AFF3: variants seen among roughly 807,000 people sequenced by gnomAD.
AFF3 encodes ALF transcription elongation factor 3.
A neutral mutation model predicts 129.7 loss-of-function variants in AFF3; 32 were observed. That is an observed-to-expected ratio of 0.25 (90% CI 0.19 to 0.33). The LOEUF (loss-of-function observed/expected upper bound fraction) is 0.33, where lower values mean the gene tolerates loss of function less well. Ranked by LOEUF, AFF3 falls within the 10% of genes least tolerant of loss-of-function variation. AFF3 has a pLI of 1.00. For missense variants in AFF3, 1,373 were observed against 1,592.0 expected (o/e 0.86, Z 2.34); for synonymous variants, 644 against 635.4 (o/e 1.01, Z -0.20).
chr2:99,555,276 C>A (rs993652402), intron 22 of AFF3, among the ~76,000 whole-genome samples: 16 of 152,288 alleles, frequency 1.1e-4, no homozygotes, highest in African/African-American at 3.4e-4. Context: ...CTCATATCTC[C>A]CCTTATATAC....
intron 8 of AFF3, among the ~76,000 whole-genome samples, chr2:99,759,919 G>A (rs889263546): frequency 5.3e-5 from 8 of 152,256 alleles, no homozygotes; most frequent in Non-Finnish European, 8.8e-5. Flanking sequence ...GTAAACTACC[G>A]TGATTTCAAG....
intron 11 of AFF3, among the ~76,000 whole-genome samples, chr2:99,696,939 C>T (rs1676340615): frequency 6.6e-6 from 1 of 152,194 alleles, no homozygotes; most frequent in Non-Finnish European, 1.5e-5. Flanking sequence ...AACCAGCATG[C>T]CTGGCCTGAT....
intron 8 of AFF3, among the ~76,000 whole-genome samples, chr2:99,789,438 CCT>C (rs959980501): frequency 7.9e-6 from 1 of 126,738 alleles, no homozygotes; most frequent in Non-Finnish European, 1.6e-5. Context: ...AGAGTGAGGC[CCT>C]GTCACCAAAA....
At chr2:99,748,425 C>T (rs1681349501) in intron 9 of AFF3, among the ~76,000 whole-genome samples, 2 of 152,168 alleles carry the variant, frequency 1.3e-5, no homozygotes, top group Admixed American at 1.3e-4. Flanking sequence ...TTAAGGGTTA[C>T]AGAAGTGAGT....
intron 4 of AFF3, among the ~76,000 whole-genome samples, chr2:100,009,583 G>A (rs1039248662): frequency 5.3e-5 from 8 of 152,104 alleles, no homozygotes; most frequent in South Asian, 2.1e-4. Context: ...GGGAGAGAAC[G>A]GAAATTGAAT....
intron 8 of AFF3, among the ~76,000 whole-genome samples, chr2:99,785,733 T>C (rs1282042301): frequency 6.6e-6 from 1 of 152,174 alleles, no homozygotes; most frequent in Non-Finnish European, 1.5e-5. Flanking sequence ...TGAATCAGCA[T>C]GAACCTTTAA....
chr2:99,754,868 G>A (rs1681959887), intron 8 of AFF3, among the ~76,000 whole-genome samples: 2 of 152,222 alleles, frequency 1.3e-5, no homozygotes, highest in South Asian at 4.1e-4. Flanking sequence ...CACTGTAACT[G>A]TGTCTTATGT....
intron 12 of AFF3, among the ~76,000 whole-genome samples, chr2:99,667,321 C>T (rs1007669819): frequency 4.6e-5 from 7 of 152,104 alleles, no homozygotes; most frequent in East Asian, 1.9e-4. Context: ...AACTGAATGA[C>T]GATGAAATAC....
intron 7 of AFF3, among the ~76,000 whole-genome samples, chr2:99,841,705 T>C (rs971836551): frequency 4.6e-5 from 7 of 152,258 alleles, no homozygotes; most frequent in Middle Eastern, 3.4e-3. Flanking sequence ...AGTCAATGAC[T>C]TTAACAGATG....
At chr2:99,621,042 A>G (rs1004056307) in intron 13 of AFF3, among the ~76,000 whole-genome samples, 2 of 152,218 alleles carry the variant, frequency 1.3e-5, no homozygotes, top group Non-Finnish European at 2.9e-5. Flanking sequence ...ATTCCTTTAC[A>G]GCAATGCAAA....
intron 7 of AFF3, among the ~76,000 whole-genome samples, chr2:99,992,865 A>G (rs533110295): frequency 1.3e-5 from 2 of 152,342 alleles, no homozygotes; most frequent in African/African-American, 4.8e-5. Context: ...GTCTGGACAC[A>G]TGGTGACCCA....
chr2:99,648,245 T>G (rs1434444861), intron 13 of AFF3, among the ~76,000 whole-genome samples: 1 of 152,134 alleles, frequency 6.6e-6, no homozygotes, highest in African/African-American at 2.4e-5. Context: ...CATAATCTAT[T>G]TTTACAACAT....
At chr2:99,631,492 A>G (rs115050696) in intron 13 of AFF3, among the ~76,000 whole-genome samples, 301 of 152,278 alleles carry the variant, frequency 2.0e-3, no homozygotes, top group Non-Finnish European at 2.5e-3. Context: ...AATACCCCTT[A>G]AATGGCAACT....
At chr2:99,769,410 C>T (rs1433217818) in intron 8 of AFF3, among the ~76,000 whole-genome samples, 1 of 152,108 alleles carries the variant, frequency 6.6e-6, no homozygotes, top group African/African-American at 2.4e-5. Flanking sequence ...TTCTGTGTTA[C>T]CTTGAATTTC....
chr2:99,688,873 A>G (rs1352983685), intron 11 of AFF3, among the ~76,000 whole-genome samples: 2 of 152,082 alleles, frequency 1.3e-5, no homozygotes, highest in African/African-American at 4.8e-5. Context: ...CCGGCATGCA[A>G]TCACCACACA....
intron 22 of AFF3, among the ~76,000 whole-genome samples, chr2:99,556,991 G>A (rs1017043675): frequency 2.0e-5 from 3 of 151,878 alleles, no homozygotes; most frequent in African/African-American, 4.8e-5. Flanking sequence ...TCTATTGTAT[G>A]GGATGGTGAC....
chr2:99,582,191 T>C (rs1677635090), intron 17 of AFF3, among the ~76,000 whole-genome samples: 1 of 152,122 alleles, frequency 6.6e-6, no homozygotes, highest in Admixed American at 6.5e-5. Flanking sequence ...TTAAGTCTTA[T>C]CACTACCATT....
intron 12 of AFF3, among the ~76,000 whole-genome samples, chr2:99,659,439 T>C (rs1686035227): frequency 6.6e-6 from 1 of 152,246 alleles, no homozygotes; most frequent in African/African-American, 2.4e-5. Flanking sequence ...TTCTTAGGAA[T>C]GGAAGTTTAA....
chr2:99,961,765 G>A (rs962968794), intron 7 of AFF3, among the ~76,000 whole-genome samples: 6 of 152,134 alleles, frequency 3.9e-5, no homozygotes, highest in African/African-American at 7.2e-5. Context: ...AAGGCAACCC[G>A]GACCTGGCAT....
Sources: allele counts gnomAD v4.1 joint callset (sites outside exome capture counted in the v4.1 genomes callset), GRCh38; gene constraint gnomAD v4.1.1; transcripts MANE v1.5; gene names NCBI Gene and HGNC (gene_info 2026-07-23, HGNC 2026-07-21).